RNF216: variants seen among roughly 807,000 people sequenced by gnomAD.
RNF216 encodes ring finger protein 216.
RNF216 carries 72 observed loss-of-function variants against 110.8 expected under a neutral mutation model. The observed-to-expected ratio is 0.65, with a 90% CI of 0.54 to 0.79. RNF216 has a LOEUF of 0.79. Among genes scored for constraint, RNF216 ranks in the 30% least tolerant of loss-of-function variants. The probability of loss-of-function intolerance (pLI) is 0.00; values close to 1 mark genes in which losing one functional copy is unlikely to be tolerated. For missense variants in RNF216, 1,342 were observed against 1,141.2 expected (o/e 1.18, Z -2.54); for synonymous variants, 495 against 407.5 (o/e 1.21, Z -2.59).
intron 1 of RNF216, among the ~76,000 whole-genome samples, chr7:5,768,280 GTCGC>G (rs1796307212): frequency 8.3e-6 from 1 of 120,754 alleles, no homozygotes; most frequent in Non-Finnish European, 1.7e-5. Flanking sequence ...GTGAGATCTT[GTCGC>G]TATTAGGGGG....
chr7:5,733,905 G>T (rs1184626945), intron 5 of RNF216, among the ~76,000 whole-genome samples: 1 of 152,148 alleles, frequency 6.6e-6, no homozygotes, highest in Admixed American at 6.5e-5. Flanking sequence ...AAGCCTACAA[G>T]AAAGTTTTCA....
At position 5,644,640 on chromosome 7, in the gene RNF216, A is replaced by T. The variant is rs577177363; in HGVS notation, c.2160-3264T>A. On this transcript the variant is annotated intron_variant, in intron 14 of 16. Transcript: ENST00000389902. ...CCACCTCAGCCTCCTGAGTAGCTGG[A>T]AATACAGGCTTACACCACCATGCCC... Among the ~76,000 whole-genome samples, 4 of 151,242 alleles carry T rather than the reference A, an allele frequency of 2.6e-5. No homozygotes were observed. The East Asian group carries it at 7.9e-4, about 30-fold the overall frequency.
intron 1 of RNF216, among the ~76,000 whole-genome samples, chr7:5,771,705 G>C (rs1000717315): frequency 2.0e-4 from 30 of 152,148 alleles, no homozygotes; most frequent in Non-Finnish European, 1.2e-4. Flanking sequence ...GCTGAGGTGG[G>C]AAGATCTCTT....
intron 3 of RNF216, among the ~76,000 whole-genome samples, chr7:5,745,489 G>C (rs1471713123): frequency 6.6e-6 from 1 of 152,156 alleles, no homozygotes; most frequent in African/African-American, 2.4e-5. Flanking sequence ...TTAGACACGT[G>C]AAAGAAGCAT....
At chr7:5,722,145 G>C (rs574314421) in intron 8 of RNF216, among the ~76,000 whole-genome samples, 25 of 152,124 alleles carry the variant, frequency 1.6e-4, no homozygotes, top group Non-Finnish European at 2.9e-4. Context: ...GGCTGGTCTT[G>C]AAGTCCTGGG....
intron 1 of RNF216, among the ~76,000 whole-genome samples, chr7:5,763,395 C>G (rs558844440): frequency 2.0e-5 from 3 of 152,178 alleles, no homozygotes; most frequent in Admixed American, 2.0e-4. Context: ...CTTTGAGAGG[C>G]TGAGGAGGGC....
At chr7:5,753,117 C>T in intron 2 of RNF216, 138 bp from the exon 3 acceptor site, 1 of 763,260 alleles carries the variant, frequency 1.3e-6, no homozygotes, top group Non-Finnish European at 2.0e-6. Context: ...GCAGCCCGTG[C>T]ACTTAAGCAT....
Position 5,696,520 on chromosome 7 carries a change from C to T in RNF216, c.2061+15241G>A, listed in dbSNP as rs1791639574. Among the ~76,000 whole-genome samples, 3 of 152,162 alleles carry T rather than the reference C, an allele frequency of 2.0e-5. No homozygotes were observed. Among genetic ancestry groups the T allele is most frequent in the Admixed American group, 2.0e-4 (3 of 15,282 alleles). ...TGATCTACTCCAGGGCACCCACACA[C>T]ACCACAGGAAGGAGGAGCAGGCCGG... On this transcript the variant is annotated intron_variant, in intron 13 of 16. Coordinates refer to ENST00000389902, the MANE Select transcript of RNF216 (RefSeq NM_207111.4). This position sits in a 1 kb window ranked among gnomAD's most constrained non-coding sequence, Gnocchi z 5.4.
At position 5,712,696 on chromosome 7, in the gene RNF216, G is replaced by A. The variant is rs766171325; in HGVS notation, c.1982+19C>T. ...ATGGGGAAGAGTTGGCAGATGGCAC[G>A]CTCTGCCTGAGAACGAACCTGACAA... On this transcript the variant is annotated intron_variant, in intron 12 of 16. Transcript: ENST00000389902. 108 of 1,613,304 alleles carry A rather than the reference G, an allele frequency of 6.7e-5. No individual in the cohort carries two copies. The highest frequency in any genetic ancestry group is 8.2e-5 in the Non-Finnish European group (97 of 1,179,574).
chr7:5,662,866 G>C (rs1462637273), intron 13 of RNF216, among the ~76,000 whole-genome samples: 2 of 151,416 alleles, frequency 1.3e-5, no homozygotes, highest in Non-Finnish European at 3.0e-5. Context: ...ACTTCTGCTT[G>C]AGCCTGAAGG....
At chr7:5,641,480 CTTTT>C in intron 14 of RNF216, 104 bp from the exon 15 acceptor site, 2 of 948,044 alleles carry the variant, frequency 2.1e-6, no homozygotes, top group Non-Finnish European at 3.2e-6. Flanking sequence ...TCACTTATGG[CTTTT>C]TTGTGACATT....
chr7:5,690,561 G>C (rs1452655715), intron 13 of RNF216, among the ~76,000 whole-genome samples: 1 of 152,130 alleles, frequency 6.6e-6, no homozygotes, highest in Non-Finnish European at 1.5e-5. Flanking sequence ...ACCTCCCCTA[G>C]AAACTTCAGC....
At chr7:5,640,697 T>A (rs1163525433) in intron 15 of RNF216, among the ~76,000 whole-genome samples, 3 of 152,272 alleles carry the variant, frequency 2.0e-5, no homozygotes, top group African/African-American at 7.2e-5. Flanking sequence ...CATCATTGCA[T>A]TTCTAGAACA....
In RNF216 at chr7:5,748,611, T is replaced by TACAC. The variant is rs10588945; in HGVS notation, c.201+4231_201+4234dup. 6.7e-3 allele frequency among the ~76,000 whole-genome samples: 958 copies of TACAC among 143,140 alleles called. 11 individuals are homozygous for TACAC. Among genetic ancestry groups the TACAC allele is most frequent in the African/African-American group, 0.016 (624 of 38,760 alleles). The allele number at this position is 143,140 out of a possible 152,430, so 93.9% of individuals were successfully genotyped here. ...GAATGCAGTATATTTTTTATATACATACACACACACACACACACACACACA... is the reference window on the plus strand; with the variant it reads ...GAATGCAGTATATTTTTTATATACATACACACACACACACACACACACACACACA... On this transcript the variant is annotated intron_variant, in intron 3 of 16. Transcript: ENST00000389902.
chr7:5,693,678 TC>T (rs1791465153), intron 13 of RNF216, among the ~76,000 whole-genome samples: 2 of 152,122 alleles, frequency 1.3e-5, no homozygotes, highest in Admixed American at 6.5e-5. Context: ...AAGAGGAAAT[TC>T]CCCTTTGCTA....
intron 2 of RNF216, among the ~76,000 whole-genome samples, chr7:5,759,493 C>T (rs117146126): frequency 0.019 from 2,922 of 152,240 alleles, 43 homozygotes; most frequent in Non-Finnish European, 0.03. Flanking sequence ...CACTTCTTTT[C>T]TGTAGCTCAC....
At chr7:5,728,773 T>C (rs1793914350) in intron 7 of RNF216, among the ~76,000 whole-genome samples, 1 of 152,120 alleles carries the variant, frequency 6.6e-6, no homozygotes, top group Admixed American at 6.5e-5. Context: ...CACAAGAATT[T>C]CAGTAGAATA....
intron 6 of RNF216, among the ~76,000 whole-genome samples, chr7:5,730,136 T>C (rs2128643594): frequency 6.6e-6 from 1 of 152,354 alleles, no homozygotes; most frequent in Non-Finnish European, 1.5e-5. Context: ...AGAAAAAAGA[T>C]ATTCCACTCT....
intron 13 of RNF216, among the ~76,000 whole-genome samples, chr7:5,687,394 C>CAAAAAAAAAAAAAAAA (rs372177142): frequency 2.6e-4 from 13 of 49,736 alleles, no homozygotes; most frequent in Admixed American, 4.4e-4. Context: ...AACTCCACCT[C>CAAAAAAAAAAAAAAAA]AAAAAAAAAA....
Sources: allele counts gnomAD v4.1 joint callset (sites outside exome capture counted in the v4.1 genomes callset), GRCh38; gene constraint gnomAD v4.1.1; non-coding constraint Gnocchi (gnomAD v3.1); transcripts MANE v1.5; gene names NCBI Gene and HGNC (gene_info 2026-07-23, HGNC 2026-07-21).